Variants in SBF1 observed in about 807,000 individuals in gnomAD.
SBF1 encodes the protein myotubularin-related protein 5.
In SBF1, 65 loss-of-function variants were observed where a neutral mutation model predicts 215.8. The observed-to-expected ratio is 0.30, with a 90% confidence interval of 0.25 to 0.37. The LOEUF (loss-of-function observed/expected upper bound fraction) is 0.37. Ranked by LOEUF, SBF1 falls within the 10% of genes least tolerant of loss-of-function variation. SBF1 has a pLI of 1.00. For synonymous variants in SBF1, 1,410 were observed against 1,122.8 expected (o/e 1.26, Z -5.11); for missense variants, 2,634 against 2,667.8 (o/e 0.99, Z 0.28).
chr22:50,456,979 G>A, intron 29 of SBF1, 55 bp downstream of exon 29: 1 of 1,336,132 alleles, frequency 7.5e-7, no homozygotes, highest in Non-Finnish European at 9.8e-7. Context: ...GTGCACACTA[G>A]AGGCCGCCAG....
At position 50,446,736 on chromosome 22, in the gene SBF1, G is replaced by A. The variant is rs903907695; in HGVS notation, c.*406C>T. 1 of 479,328 alleles carries A rather than the reference G, an allele frequency of 2.1e-6. No homozygotes were observed. The highest frequency in any genetic ancestry group is 4.1e-6 in the Non-Finnish European group (1 of 243,420). The allele number at this position is 479,328 out of a possible 1,614,324, so 29.7% of individuals were successfully genotyped here. The stretch of plus-strand genomic sequence containing the variant: ...CCTCCCGCCAGGTGGGCCTGGATAG[G>A]GGCAGATGGGACCCTCTGGGTAGGC... On this transcript the variant is annotated 3_prime_UTR_variant, in exon 41 of 41. Coordinates refer to ENST00000380817, the MANE Select transcript of SBF1 (RefSeq NM_002972.4).
intron 1 of SBF1, among the ~76,000 whole-genome samples, chr22:50,470,614 CTGGGG>C (rs1407081667): frequency 1.3e-5 from 2 of 152,184 alleles, no homozygotes; most frequent in Non-Finnish European, 2.9e-5. Context: ...CTGCCCCAGC[CTGGGG>C]CCTACAGGGA....
At chr22:50,463,245 G>T (rs778452801) in intron 16 of SBF1, 38 bp downstream of exon 16, 1 of 1,609,782 alleles carries the variant, frequency 6.2e-7, no homozygotes, top group Non-Finnish European at 8.5e-7. Context: ...CCGCTCATGC[G>T]CCATGAGCCA....
rs982410735 is a variant in SBF1 at position 50,461,598 on chromosome 22, A to G, written c.2764T>C (p.Leu922=). ...GAGGSAGGPA[L]LPAEGAVFLT... ...AAGACGGCGCCCTCAGCTGGGAGCA[A>G]TGCTGGTCCCCCAGCACTGCCCCCC... Residue 922 remains leucine, a synonymous_variant, in exon 22 of 41, where the codon TTG becomes CTG. Transcript: ENST00000380817. 1.9e-6 allele frequency: 3 copies of G among 1,612,122 alleles called. No individual in the cohort carries two copies. Among genetic ancestry groups the G allele is most frequent in the Non-Finnish European group, 2.5e-6 (3 of 1,179,766 alleles).
At position 50,466,425 on chromosome 22, in the gene SBF1, A is replaced by T. The variant is rs779853747; in HGVS notation, c.713T>A (p.Phe238Tyr). The change falls in exon 7 of 41, where the codon TTC (phenylalanine) becomes TAC (tyrosine). Residue 238 changes from phenylalanine to tyrosine, a missense_variant. Transcript: ENST00000380817. Reference sequence around the variant, plus strand: ...GAGCCGCTGGTAGCTCCGGGACAGGAAGAGAACCTTGTGCTCCGTGAGGGC... The same window carrying T: ...GAGCCGCTGGTAGCTCCGGGACAGGTAGAGAACCTTGTGCTCCGTGAGGGC... Reference protein sequence around the residue: ...CAALTEHKVLFLSRSYQRLAD... With the variant: ...CAALTEHKVLYLSRSYQRLAD... The T allele has an allele frequency of 6.4e-7, 1 of 1,552,848 alleles. No individual in the cohort carries two copies.
chr22:50,462,554 C>T lies in SBF1; in HGVS notation c.2127+5G>A, dbSNP rs779542104. The T allele has an allele frequency of 3.0e-5, 48 of 1,609,212 alleles. No individual in the cohort carries two copies. The East Asian group carries it at 6.0e-4, about 20-fold the overall frequency. ...CAGCCCCCAGCCCAGGGAGTCCCTG[C>T]GCACCTGGGCGGGGGCCAGGTCCTC... On this transcript the variant is annotated splice_donor_5th_base_variant and intron_variant, in intron 18 of 40. Coordinates refer to ENST00000380817, the MANE Select transcript of SBF1 (RefSeq NM_002972.4).
intron 38 of SBF1, among the ~76,000 whole-genome samples, 183 bp from the exon 39 acceptor site, chr22:50,447,792 G>A (rs770003161): frequency 1.5e-4 from 23 of 152,344 alleles, no homozygotes; most frequent in East Asian, 3.9e-4. Context: ...ATGGGGGGCT[G>A]CAGGCCCAAG....
At position 50,464,373 on chromosome 22, in the gene SBF1, A is replaced by G; in HGVS notation, c.1705T>C (p.Cys569Arg). ...SARRLEVVRN[C>R]ISYVFEGKML... The stretch of plus-strand genomic sequence containing the variant: ...TTCCCCTCAAACACGTAGGAGATGC[A>G]GTTGCGCACAACCTCCAGCCGCCGG... The change falls in exon 15 of 41, where the codon TGC becomes CGC. Residue 569 changes from cysteine to arginine, a missense_variant. Physicochemically the swap from Cys to Arg is radical, Grantham distance 180. Coordinates refer to ENST00000380817, the MANE Select transcript of SBF1 (RefSeq NM_002972.4). 1 of 1,614,108 alleles carries G rather than the reference A, an allele frequency of 6.2e-7. No homozygotes were observed. The highest frequency in any genetic ancestry group is 8.5e-7 in the Non-Finnish European group (1 of 1,180,004).
chr22:50,469,746 C>A (rs991295152), intron 1 of SBF1, among the ~76,000 whole-genome samples: 1 of 152,088 alleles, frequency 6.6e-6, no homozygotes, highest in African/African-American at 2.4e-5. Flanking sequence ...ATGGACCCCC[C>A]ACCCCGGCCC....
At chr22:50,474,591 GCT>G (rs1489505156) in intron 1 of SBF1, among the ~76,000 whole-genome samples, 193 bp downstream of exon 1, 1 of 145,086 alleles carries the variant, frequency 6.9e-6, no homozygotes, top group African/African-American at 2.7e-5. Flanking sequence ...TCAGTCCTCG[GCT>G]CCCCCGACCC....
In SBF1 at chr22:50,462,172, T is replaced by C. The variant is rs1252675059; in HGVS notation, c.2396+33A>G. 4 of 1,607,112 alleles carry C rather than the reference T, an allele frequency of 2.5e-6. No individual in the cohort carries two copies. The Admixed American group carries it at 5.0e-5, about 20-fold the overall frequency. ...GGGCCCTGCCCACCACGGCCCCGCC[T>C]CCACTGGGCCCAACCCCCAGTCCCT... is the stretch of plus-strand genomic sequence containing the variant. On this transcript the variant is annotated intron_variant, in intron 19 of 40. Transcript: ENST00000380817.
At position 50,465,801 on chromosome 22, in the gene SBF1, G is replaced by C. The variant is rs374863515; in HGVS notation, c.1051C>G (p.Pro351Ala). 3.0e-5 allele frequency: 49 copies of C among 1,611,616 alleles called. No homozygotes were observed. The East Asian group carries it at 5.8e-4, about 19-fold the overall frequency. ...GAGGAGGTGGATGTCGTGGGCGGAGGGAAGGCGAGGTCAGCCAACTCCAGC... is the reference window on the plus strand; with the variant it reads ...GAGGAGGTGGATGTCGTGGGCGGAGCGAAGGCGAGGTCAGCCAACTCCAGC... ...PELELADLAF[P>A]PPTTSTSSLK... Residue 351 changes from proline to alanine, a missense_variant, in exon 10 of 41, where the codon CCT becomes GCT. Physicochemically the swap from Pro to Ala is conservative, Grantham distance 27. Transcript: ENST00000380817.
In SBF1 at chr22:50,459,389, T is replaced by C. The variant is rs766641482; in HGVS notation, c.3692A>G (p.Gln1231Arg). 2 of 1,611,964 alleles carry C rather than the reference T, an allele frequency of 1.2e-6. No homozygotes were observed. The highest frequency in any genetic ancestry group is 8.5e-7 in the Non-Finnish European group (1 of 1,179,044). The stretch of plus-strand genomic sequence containing the variant: ...CAGGCTACTCGAGTCCGCCTGGGAC[T>C]GGCCTGGGGGAGGACACGGAGCTGA... Reference protein sequence around the residue: ...FKAQNAPSPGQSQADSSSLEQ... With the variant: ...FKAQNAPSPGRSQADSSSLEQ... Residue 1231 changes from glutamine to arginine, a missense_variant, in exon 28 of 41, where the codon CAG (glutamine) becomes CGG (arginine). Coordinates refer to ENST00000380817, the MANE Select transcript of SBF1 (RefSeq NM_002972.4).
rs765278224 is a variant in SBF1, at chr22:50,466,581, C to T, written c.655+24G>A. On this transcript the variant is annotated intron_variant, in intron 6 of 40. Transcript: ENST00000380817. ...TACCAGTCCCCGAGGGGAAGCCATG[C>T]GGGGGTGGGACAGACAGGCTCACCT... The T allele has an allele frequency of 4.9e-5, 75 of 1,537,762 alleles. No homozygotes were observed. The East Asian group carries it at 5.4e-4, about 11-fold the overall frequency.
chr22:50,463,517 G>A (rs1482129073), intron 15 of SBF1, 85 bp from the exon 16 acceptor site: 8 of 1,420,364 alleles, frequency 5.6e-6, no homozygotes, highest in Non-Finnish European at 7.5e-6. Context: ...AGGTGTCCAG[G>A]AGACCCAAAT....
At chr22:50,467,302 G>A (rs1484110550) in intron 5 of SBF1, 36 bp downstream of exon 5, 1 of 1,561,986 alleles carries the variant, frequency 6.4e-7, no homozygotes, top group South Asian at 1.1e-5. Flanking sequence ...AGGAGGGCCT[G>A]TGGCTGTGCA....
chr22:50,456,328 A>G lies in SBF1; in HGVS notation c.4154T>C (p.Val1385Ala). The change falls in exon 31 of 41, where the codon GTG becomes GCG. Residue 1385 changes from valine to alanine, a missense_variant. Coordinates refer to ENST00000380817, the MANE Select transcript of SBF1 (RefSeq NM_002972.4). ...CAGCAGCTTCTTGAAGCTAGCCTTC[A>G]CCTGCCGTGCCTCGAATACCTCAAT... ...VPIEVFEARQ[V>A]KASFKKLLKA... 1.2e-6 allele frequency: 2 copies of G among 1,608,328 alleles called. No individual in the cohort carries two copies. Among genetic ancestry groups the G allele is most frequent in the Non-Finnish European group, 1.7e-6 (2 of 1,178,684 alleles).
chr22:50,456,147 T>A, intron 31 of SBF1, 69 bp downstream of exon 31: 1 of 1,516,802 alleles, frequency 6.6e-7, no homozygotes, highest in Non-Finnish European at 9.0e-7. Flanking sequence ...CCTAGACCCG[T>A]CCACTTGGCT....
chr22:50,454,827 G>C lies in SBF1; in HGVS notation c.4799C>G (p.Pro1600Arg). 6.2e-7 allele frequency: 1 copy of C among 1,613,968 alleles called. No individual in the cohort carries two copies. The highest frequency in any genetic ancestry group is 8.5e-7 in the Non-Finnish European group (1 of 1,179,958). Residue 1600 changes from proline to arginine, a missense_variant, in exon 35 of 41, where the codon CCC becomes CGC. Coordinates refer to ENST00000380817, the MANE Select transcript of SBF1 (RefSeq NM_002972.4). ...GCCCCAGCTTACCTCTGCGTCCTCG[G>C]GCGCATACATGTAATTGTGGAACAC... ...TPVFHNYMYA[P>R]EDAEVLRPYS... is the part of the protein sequence containing the mutation.
Sources: allele counts gnomAD v4.1 joint callset (sites outside exome capture counted in the v4.1 genomes callset), GRCh38; gene constraint gnomAD v4.1.1; transcripts MANE v1.5; gene names NCBI Gene and HGNC (gene_info 2026-07-23, HGNC 2026-07-21).